SAMHD1: variants seen among roughly 807,000 people sequenced by gnomAD.
The protein encoded by SAMHD1 is deoxynucleoside triphosphate triphosphohydrolase SAMHD1.
SAMHD1 carries 54 observed loss-of-function variants against 79.6 expected under a neutral mutation model. That is an observed-to-expected ratio of 0.68 (90% CI 0.55 to 0.85). SAMHD1 has a LOEUF of 0.85. Ranked by LOEUF, SAMHD1 falls within the 40% of genes least tolerant of loss-of-function variation. The pLI is 0.00. For missense variants in SAMHD1, 663 were observed against 782.7 expected, an observed-to-expected ratio of 0.85 and a Z score of 1.82; for synonymous variants, 260 against 264.1, an observed-to-expected ratio of 0.98 and a Z score of 0.15.
At chr20:36,924,897 G>A (rs1490962251) in intron 6 of SAMHD1, among the ~76,000 whole-genome samples, 1 of 151,996 alleles carries the variant, frequency 6.6e-6, no homozygotes, top group Non-Finnish European at 1.5e-5. Flanking sequence ...GGTGGCTCAC[G>A]TCTGTAATCC....
chr20:36,929,077 G>A (rs2063552979), intron 5 of SAMHD1, among the ~76,000 whole-genome samples: 1 of 151,262 alleles, frequency 6.6e-6, no homozygotes, highest in Non-Finnish European at 1.5e-5. Flanking sequence ...AAAAAGAAGT[G>A]AGCCACTTAA....
At chr20:36,928,234 A>G (rs960949164) in intron 5 of SAMHD1, among the ~76,000 whole-genome samples, 2 of 151,864 alleles carry the variant, frequency 1.3e-5, no homozygotes, top group East Asian at 1.9e-4. Flanking sequence ...CTAAAAATAC[A>G]AAAAATTAGC....
intron 4 of SAMHD1, among the ~76,000 whole-genome samples, chr20:36,934,190 G>T (rs2063585363): frequency 6.6e-6 from 1 of 151,908 alleles, no homozygotes; most frequent in African/African-American, 2.4e-5. Flanking sequence ...AGGTGGTTAA[G>T]AATACATAAA....
chr20:36,950,715 G>T (rs1423096002), intron 1 of SAMHD1, among the ~76,000 whole-genome samples: 1 of 152,172 alleles, frequency 6.6e-6, no homozygotes, highest in Admixed American at 6.6e-5. Context: ...TTTTGGAGGG[G>T]AACCTGCTTT....
chr20:36,902,181 T>G (rs761233826), intron 13 of SAMHD1, among the ~76,000 whole-genome samples: 5 of 152,074 alleles, frequency 3.3e-5, no homozygotes, highest in African/African-American at 9.7e-5. Flanking sequence ...ATGATGATTA[T>G]TAGTAGTAGT....
chr20:36,946,428 C>T (rs1389160409), intron 2 of SAMHD1: 2 of 253,560 alleles, frequency 7.9e-6, no homozygotes, highest in Non-Finnish European at 1.5e-5. Flanking sequence ...AAAAAAAAAC[C>T]GAAAAAAAAT....
intron 6 of SAMHD1, 125 bp downstream of exon 6, chr20:36,927,057 C>T (rs1196773509): frequency 1.2e-6 from 1 of 807,662 alleles, no homozygotes. Context: ...TGAATGAAAG[C>T]ACCCTGGACA....
At chr20:36,915,776 T>C (rs950096994) in intron 9 of SAMHD1, among the ~76,000 whole-genome samples, 2 of 151,698 alleles carry the variant, frequency 1.3e-5, no homozygotes, top group Admixed American at 6.6e-5. Flanking sequence ...TATACAGATT[T>C]TCAACTAGGA....
chr20:36,915,117 A>G (rs1475812175), intron 9 of SAMHD1, among the ~76,000 whole-genome samples: 2 of 152,100 alleles, frequency 1.3e-5, no homozygotes, highest in Non-Finnish European at 2.9e-5. Context: ...ACTGAGGTGG[A>G]TGGGTTGCTT....
intron 9 of SAMHD1, among the ~76,000 whole-genome samples, chr20:36,915,954 T>C (rs573228885): frequency 5.9e-5 from 9 of 152,134 alleles, no homozygotes; most frequent in South Asian, 4.1e-4. Context: ...GGTCAAGAGA[T>C]TGAGACCATC....
chr20:36,921,156 A>C (rs2063501343), intron 6 of SAMHD1, among the ~76,000 whole-genome samples: 1 of 152,074 alleles, frequency 6.6e-6, no homozygotes, highest in African/African-American at 2.4e-5. Flanking sequence ...GCACTTTAGG[A>C]GGCGGAGGCA....
chr20:36,951,210 GC>G (rs2063730945), intron 1 of SAMHD1, among the ~76,000 whole-genome samples: 1 of 152,156 alleles, frequency 6.6e-6, no homozygotes, highest in Non-Finnish European at 1.5e-5. Flanking sequence ...AGTCCCGGGA[GC>G]CCCATGCCGC....
chr20:36,913,065 C>T (rs1312809704), intron 9 of SAMHD1, among the ~76,000 whole-genome samples: 1 of 144,558 alleles, frequency 6.9e-6, no homozygotes, highest in South Asian at 2.2e-4. Context: ...GGCGCCATCT[C>T]GGCTCACTGC....
At position 36,917,009 on chromosome 20, in the gene SAMHD1, T is replaced by C; in HGVS notation, c.893A>G (p.Tyr298Cys). The C allele has an allele frequency of 6.2e-7, 1 of 1,614,106 alleles. No homozygotes were observed. Among genetic ancestry groups the C allele is most frequent in the Non-Finnish European group, 8.5e-7 (1 of 1,179,966 alleles). The change falls in exon 8 of 16, where the codon TAT becomes TGT. Residue 298 changes from tyrosine to cysteine, a missense_variant. Transcript: ENST00000646673. ...ATTTCTTTTATTAGATACTATCTCA[T>C]AAAGGAAGCTTTTGTTTTCAGGACG... ...KGRPENKSFL[Y>C]EIVSNKRNGI...
chr20:36,889,921 G>GTA (rs1340913149), downstream of SAMHD1: 1 of 152,354 alleles, frequency 6.6e-6, no homozygotes, highest in Admixed American at 6.5e-5. Flanking sequence ...GTGTGTGTGT[G>GTA]TGTGTGTGTA....
intron 5 of SAMHD1, among the ~76,000 whole-genome samples, chr20:36,927,838 CAG>C (rs1024812852): frequency 7.2e-5 from 11 of 152,122 alleles, no homozygotes; most frequent in Middle Eastern, 3.4e-3. Flanking sequence ...TTTGAAGAGA[CAG>C]AGTCTTGCTA....
chr20:36,939,190 G>T (rs1600387968), intron 3 of SAMHD1, among the ~76,000 whole-genome samples: 1 of 141,072 alleles, frequency 7.1e-6, no homozygotes, highest in South Asian at 2.2e-4. Context: ...GGAGGCAGAG[G>T]TTGCAGTGAG....
intron 9 of SAMHD1, among the ~76,000 whole-genome samples, chr20:36,914,123 A>C (rs2063461341): frequency 2.6e-5 from 4 of 152,004 alleles, no homozygotes; most frequent in African/African-American, 9.7e-5. Flanking sequence ...ACAGGGACCT[A>C]GTGATTTCAG....
At chr20:36,924,705 C>T (rs186337529) in intron 6 of SAMHD1, among the ~76,000 whole-genome samples, 23 of 152,168 alleles carry the variant, frequency 1.5e-4, no homozygotes, top group African/African-American at 5.1e-4. Context: ...TAAAGGGGCT[C>T]ATATTTCTCA....
Sources: gnomAD v4.1 joint callset for allele counts (sites outside exome capture counted in the v4.1 genomes callset) on GRCh38, gnomAD v4.1.1 for gene constraint, MANE v1.5 for transcripts, NCBI Gene and HGNC (gene_info 2026-07-23, HGNC 2026-07-21) for gene names.